The following ATP8A2 variants were observed in gnomAD, a reference collection of about 807,000 sequenced individuals.
ATP8A2 encodes the protein ATPase phospholipid transporting 8A2.
Under a neutral mutation model 165.6 loss-of-function variants are expected in ATP8A2, and 100 were observed. The ratio of observed to expected loss-of-function variants is 0.60; its 90% confidence interval spans 0.51 to 0.71. The LOEUF (loss-of-function observed/expected upper bound fraction) is 0.71. Among genes scored for constraint, ATP8A2 ranks in the 30% least tolerant of loss-of-function variants. The pLI is 0.00. For missense variants in ATP8A2, 1,227 were observed against 1,479.5 expected (o/e 0.83, Z 2.80); for synonymous variants, 543 against 548.8 (o/e 0.99, Z 0.15).
intron 36 of ATP8A2, among the ~76,000 whole-genome samples, chr13:26,018,239 G>A (rs1267538682): frequency 6.6e-6 from 1 of 152,228 alleles, no homozygotes; most frequent in African/African-American, 2.4e-5. Context: ...CAGGAAGCCA[G>A]CCCAGGACCG....
chr13:25,677,252 C>A (rs1236356070), intron 24 of ATP8A2, among the ~76,000 whole-genome samples: 1 of 152,196 alleles, frequency 6.6e-6, no homozygotes, highest in African/African-American at 2.4e-5. Context: ...GATGCACTCA[C>A]CACATTTCAA....
intron 10 of ATP8A2, among the ~76,000 whole-genome samples, chr13:25,546,401 G>C (rs2038650566): frequency 6.6e-6 from 1 of 152,020 alleles, no homozygotes; most frequent in Non-Finnish European, 1.5e-5. Context: ...GCTTTCAAAA[G>C]GAATATAACA....
intron 3 of ATP8A2, 78 bp from the exon 4 acceptor site, chr13:25,530,484 C>A (rs1040883902): frequency 2.5e-6 from 2 of 804,368 alleles, no homozygotes; most frequent in African/African-American, 3.4e-5. Flanking sequence ...GTGAAACGTA[C>A]GTGACTGCCG....
chr13:25,779,712 A>AT (rs1361932138), intron 27 of ATP8A2, among the ~76,000 whole-genome samples: 2 of 152,360 alleles, frequency 1.3e-5, no homozygotes, highest in African/African-American at 4.8e-5. Context: ...GGCATAGATC[A>AT]TGCCATTATG....
chr13:25,375,451 T>C (rs1388138667), intron 1 of ATP8A2, among the ~76,000 whole-genome samples: 2 of 152,184 alleles, frequency 1.3e-5, no homozygotes, highest in African/African-American at 2.4e-5. Flanking sequence ...GAAGTTGTTT[T>C]CTATGGACGA....
intron 27 of ATP8A2, among the ~76,000 whole-genome samples, chr13:25,813,399 TATG>T (rs1364081603): frequency 6.6e-6 from 1 of 151,204 alleles, no homozygotes; most frequent in East Asian, 1.9e-4. Flanking sequence ...TATGATATGA[TATG>T]ATATGATATG....
intron 33 of ATP8A2, among the ~76,000 whole-genome samples, chr13:25,881,595 AAGAGAGAGAG>A (rs762204443): frequency 6.7e-6 from 1 of 149,382 alleles, no homozygotes; most frequent in African/African-American, 2.5e-5. Context: ...GAGAGAGAGA[AAGAGAGAGAG>A]AGAGAGAAAG....
chr13:25,830,469 T>C (rs1322005186), intron 28 of ATP8A2, among the ~76,000 whole-genome samples: 2 of 152,178 alleles, frequency 1.3e-5, no homozygotes, highest in African/African-American at 4.8e-5. Flanking sequence ...TGAAGTGGGC[T>C]GCCAGTGAGT....
intron 24 of ATP8A2, among the ~76,000 whole-genome samples, chr13:25,662,669 G>A (rs553949530): frequency 1.3e-5 from 2 of 152,272 alleles, no homozygotes; most frequent in South Asian, 4.1e-4. Flanking sequence ...ATGAATTAGT[G>A]AGTAATCCAA....
chr13:25,664,113 G>T (rs1404098137), intron 24 of ATP8A2, among the ~76,000 whole-genome samples: 3 of 152,132 alleles, frequency 2.0e-5, no homozygotes, highest in African/African-American at 7.2e-5. Context: ...GGAGCCTGAG[G>T]TGGGAGGATG....
At chr13:25,478,660 T>C (rs1430537182) in intron 2 of ATP8A2, among the ~76,000 whole-genome samples, 1 of 152,222 alleles carries the variant, frequency 6.6e-6, no homozygotes, top group African/African-American at 2.4e-5. Flanking sequence ...GGGATGATGT[T>C]AGTCACTCTG....
chr13:25,710,145 G>A (rs994167034), intron 25 of ATP8A2, among the ~76,000 whole-genome samples: 6 of 152,088 alleles, frequency 3.9e-5, no homozygotes, highest in East Asian at 1.9e-4. Context: ...GTATGGATAC[G>A]TACTAATTGT....
intron 25 of ATP8A2, among the ~76,000 whole-genome samples, chr13:25,707,593 A>C (rs573327681): frequency 3.2e-4 from 48 of 152,360 alleles, no homozygotes; most frequent in Middle Eastern, 3.4e-3. Flanking sequence ...CTTGTCAGCT[A>C]TGAGCAACTG....
At chr13:25,483,347 C>G (rs148706099) in intron 2 of ATP8A2, among the ~76,000 whole-genome samples, 83 of 152,208 alleles carry the variant, frequency 5.5e-4, no homozygotes, top group Admixed American at 3.1e-3. Flanking sequence ...GGTGATTGAC[C>G]TCAGAATAGC....
chr13:25,917,369 T>C (rs1156929037), intron 33 of ATP8A2, among the ~76,000 whole-genome samples: 1 of 152,272 alleles, frequency 6.6e-6, no homozygotes, highest in African/African-American at 2.4e-5. Flanking sequence ...TTTAACTTAC[T>C]CCGCAGCTGA....
chr13:25,905,833 C>A (rs1039007910), intron 33 of ATP8A2, among the ~76,000 whole-genome samples: 2 of 152,182 alleles, frequency 1.3e-5, no homozygotes, highest in East Asian at 3.9e-4. Flanking sequence ...AGCCCTTCCT[C>A]GCCCTGAGGG....
chr13:25,686,561 T>A (rs28552869), intron 24 of ATP8A2, among the ~76,000 whole-genome samples: 18,311 of 152,184 alleles, frequency 0.12, 1,223 homozygotes, highest in East Asian at 0.26. Context: ...CAGAACTCCC[T>A]GACACTGTAA....
At chr13:25,999,553 C>G (rs892663699) in intron 35 of ATP8A2, among the ~76,000 whole-genome samples, 2 of 152,190 alleles carry the variant, frequency 1.3e-5, no homozygotes, top group African/African-American at 4.8e-5. Context: ...GTTCTTCACT[C>G]CTCCACGTCA....
intron 25 of ATP8A2, among the ~76,000 whole-genome samples, chr13:25,708,730 C>CT (rs1277608598): frequency 2.6e-5 from 4 of 152,330 alleles, no homozygotes; most frequent in East Asian, 3.9e-4. Flanking sequence ...TATTTTAAGC[C>CT]TCTCCCATTG....
Sources: allele counts gnomAD v4.1 joint callset (sites outside exome capture counted in the v4.1 genomes callset), GRCh38; gene constraint gnomAD v4.1.1; transcripts MANE v1.5; gene names NCBI Gene and HGNC (gene_info 2026-07-23, HGNC 2026-07-21).